Variants in NCAM1 observed in about 807,000 individuals in gnomAD.
NCAM1 encodes neural cell adhesion molecule 1, also known as antigen recognized by monoclonal antibody 5.1H11.
Under a neutral mutation model 109.8 loss-of-function variants are expected in NCAM1, and 14 were observed. The observed-to-expected ratio is 0.13, with a 90% CI of 0.08 to 0.20. The LOEUF (loss-of-function observed/expected upper bound fraction) is 0.20, where lower values mean the gene tolerates loss of function less well. Among genes scored for constraint, NCAM1 ranks in the 10% least tolerant of loss-of-function variants. The probability of loss-of-function intolerance (pLI) is 1.00; values close to 1 mark genes in which losing one functional copy is unlikely to be tolerated. For missense variants in NCAM1, 774 were observed against 1,109.9 expected, an observed-to-expected ratio of 0.70 and a Z score of 4.30; for synonymous variants, 418 against 442.9, an observed-to-expected ratio of 0.94 and a Z score of 0.70.
intron 1 of NCAM1, among the ~76,000 whole-genome samples, chr11:113,050,183 A>T (rs1953423226): frequency 6.6e-6 from 1 of 152,138 alleles, no homozygotes; most frequent in South Asian, 2.1e-4. Flanking sequence ...GACTGAGGAA[A>T]AAAAGAGTTT....
rs570552124 is a variant in NCAM1, at chr11:113,073,755, G to A, written c.52+112091G>A. 2.6e-5 allele frequency among the ~76,000 whole-genome samples: 4 copies of A among 152,312 alleles called. No homozygotes were observed. The East Asian group carries it at 7.7e-4, about 29-fold the overall frequency. On this transcript the variant is annotated intron_variant, in intron 1 of 19. Transcript: ENST00000316851. ...ACCCGAGTCAGCTGGTGGTGTGGAG[G>A]TGGTGGTGGGGATGTGGATGTGTCA...
intron 1 of NCAM1, among the ~76,000 whole-genome samples, chr11:113,051,353 C>T (rs540825941): frequency 2.2e-4 from 33 of 152,258 alleles, no homozygotes; most frequent in Non-Finnish European, 4.3e-4. Context: ...ACTTTTTAAG[C>T]AACACCATCA....
At chr11:113,047,381 G>C (rs1260922687) in intron 1 of NCAM1, among the ~76,000 whole-genome samples, 2 of 152,066 alleles carry the variant, frequency 1.3e-5, no homozygotes, top group African/African-American at 4.8e-5. Flanking sequence ...AAGCAATACT[G>C]TAAAAATATT....
intron 18 of NCAM1, 72 bp downstream of exon 18, chr11:113,270,467 C>G: frequency 7.1e-7 from 1 of 1,411,792 alleles, no homozygotes; most frequent in Non-Finnish European, 9.9e-7. Context: ...AGCTGCACCA[C>G]CCTGCGCCAT....
chr11:113,037,423 C>T (rs143085785), intron 1 of NCAM1, among the ~76,000 whole-genome samples: 230 of 152,242 alleles, frequency 1.5e-3, no homozygotes, highest in African/African-American at 4.9e-3. Flanking sequence ...CCTCTCGTCT[C>T]CTTGATAACA....
intron 1 of NCAM1, among the ~76,000 whole-genome samples, chr11:113,182,684 G>C (rs1555108176): frequency 6.6e-6 from 1 of 152,190 alleles, no homozygotes. Flanking sequence ...GTTAGGGGCG[G>C]TGCTGTGTTC....
chr11:113,048,719 C>G (rs1555081267), intron 1 of NCAM1, among the ~76,000 whole-genome samples: 2 of 152,214 alleles, frequency 1.3e-5, no homozygotes, highest in African/African-American at 4.8e-5. Flanking sequence ...CCAGCCCTGG[C>G]TTTGACACAT....
At chr11:113,216,394 C>T (rs1049282201) in intron 8 of NCAM1, among the ~76,000 whole-genome samples, 9 of 151,990 alleles carry the variant, frequency 5.9e-5, no homozygotes, top group Admixed American at 4.6e-4. Context: ...CCTCGTGATC[C>T]GCCCGCCTCG....
At chr11:113,074,666 C>T (rs1938446407) in intron 1 of NCAM1, among the ~76,000 whole-genome samples, 1 of 152,164 alleles carries the variant, frequency 6.6e-6, no homozygotes, top group African/African-American at 2.4e-5. Flanking sequence ...GAGTCTCACT[C>T]TATCACCGAG....
Position 112,961,601 on chromosome 11 carries a change from C to A in NCAM1, c.-12C>A. 6.8e-7 allele frequency: 1 copy of A among 1,474,162 alleles called. No homozygotes were observed. The highest frequency in any genetic ancestry group is 9.5e-7 in the Non-Finnish European group (1 of 1,054,442). 91.3% of individuals were successfully genotyped at this position (1,474,162 alleles called of 1,614,324 possible). On this transcript the variant is annotated 5_prime_UTR_variant, in exon 1 of 20. Coordinates refer to ENST00000316851, the MANE Select transcript of NCAM1 (RefSeq NM_181351.5). ...CCGCGGCAAGAACATCCCTCCCAGC[C>A]AGCAGATTACAATGCTGCAAACTAA... is the stretch of plus-strand genomic sequence containing the variant.
intron 1 of NCAM1, among the ~76,000 whole-genome samples, chr11:113,072,107 T>A (rs1249949522): frequency 1.3e-5 from 2 of 152,174 alleles, no homozygotes; most frequent in Non-Finnish European, 2.9e-5. Flanking sequence ...ATTGCACCAC[T>A]GCACTCCAGC....
At chr11:112,969,952 T>A (rs539859859) in intron 1 of NCAM1, among the ~76,000 whole-genome samples, 92 of 152,154 alleles carry the variant, frequency 6.0e-4, no homozygotes, top group African/African-American at 2.0e-3. Context: ...GCAAAAATCA[T>A]GTCTATTAGT....
At chr11:113,118,342 A>T (rs1180939516) in intron 1 of NCAM1, among the ~76,000 whole-genome samples, 1 of 151,860 alleles carries the variant, frequency 6.6e-6, no homozygotes, top group Non-Finnish European at 1.5e-5. Flanking sequence ...CCCAAATGAG[A>T]TGCATGTAAT....
intron 1 of NCAM1, among the ~76,000 whole-genome samples, chr11:113,127,711 AG>A: frequency 6.6e-6 from 1 of 152,260 alleles, no homozygotes; most frequent in Admixed American, 6.5e-5. Context: ...AACAATAAAA[AG>A]CTTAAGTGAT....
intron 1 of NCAM1, among the ~76,000 whole-genome samples, chr11:113,183,611 C>T (rs537360910): frequency 7.2e-5 from 11 of 152,230 alleles, no homozygotes; most frequent in African/African-American, 2.2e-4. Context: ...CTCTTTTTCT[C>T]CAATTAACTG....
At chr11:113,111,103 G>T (rs1440812977) in intron 1 of NCAM1, among the ~76,000 whole-genome samples, 1 of 152,170 alleles carries the variant, frequency 6.6e-6, no homozygotes, top group Non-Finnish European at 1.5e-5. Flanking sequence ...TGGGAGGTTT[G>T]CCTTGCTGTA....
chr11:113,222,132 G>A lies in NCAM1; in HGVS notation c.1089+807G>A, dbSNP rs539230412. Among the ~76,000 whole-genome samples the A allele has an allele frequency of 4.6e-5, 7 of 152,228 alleles. No individual in the cohort carries two copies. The South Asian group carries it at 8.3e-4, about 18-fold the overall frequency. ...AACATATAGTGAAAATGAAACCAGT[G>A]GACTTCAGATGAGATTCAAGGATCT... On this transcript the variant is annotated intron_variant, in intron 9 of 19. Coordinates refer to ENST00000316851, the MANE Select transcript of NCAM1 (RefSeq NM_181351.5).
chr11:113,012,954 T>G (rs1591246197), intron 1 of NCAM1, among the ~76,000 whole-genome samples: 1 of 152,178 alleles, frequency 6.6e-6, no homozygotes, highest in Non-Finnish European at 1.5e-5. Context: ...GTCTACAACA[T>G]ACTTTCAAAT....
intron 1 of NCAM1, among the ~76,000 whole-genome samples, chr11:113,101,496 G>A (rs1174213517): frequency 6.6e-6 from 1 of 152,090 alleles, no homozygotes; most frequent in Non-Finnish European, 1.5e-5. Context: ...TGTGTATTGT[G>A]TATTGCTCCT....
Sources: allele counts gnomAD v4.1 joint callset (sites outside exome capture counted in the v4.1 genomes callset), GRCh38; gene constraint gnomAD v4.1.1; transcripts MANE v1.5; gene names NCBI Gene and HGNC (gene_info 2026-07-23, HGNC 2026-07-21).